The following KCNQ3 variants were observed in gnomAD, a reference collection of about 807,000 sequenced individuals.
The protein encoded by KCNQ3 is potassium voltage-gated channel subfamily KQT member 3.
KCNQ3 carries 30 observed loss-of-function variants against 92.5 expected under a neutral mutation model. That is an observed-to-expected ratio of 0.32 (90% confidence interval 0.24 to 0.44). KCNQ3 has a LOEUF of 0.44. Ranked by LOEUF, KCNQ3 falls within the 20% of genes least tolerant of loss-of-function variation. The pLI, the probability that KCNQ3 is intolerant of heterozygous loss-of-function variation, is 1.00. For missense variants in KCNQ3, 913 were observed against 1,140.3 expected, an observed-to-expected ratio of 0.80 and a Z score of 2.87; for synonymous variants, 450 against 468.8, an observed-to-expected ratio of 0.96 and a Z score of 0.52.
At chr8:132,444,876 GATT>G (rs1164543328) in intron 1 of KCNQ3, among the ~76,000 whole-genome samples, 2 of 152,176 alleles carry the variant, frequency 1.3e-5, no homozygotes, top group Non-Finnish European at 2.9e-5. Context: ...CACTTCACCT[GATT>G]ATGAGGATTC....
At chr8:132,259,742 T>TAAA (rs1311085948) in intron 1 of KCNQ3, among the ~76,000 whole-genome samples, 22 of 152,240 alleles carry the variant, frequency 1.4e-4, no homozygotes, top group African/African-American at 4.3e-4. Context: ...TGATCTTTTA[T>TAAA]ACAAATAATC....
At position 132,253,527 on chromosome 8, in the gene KCNQ3, A is replaced by G. The variant is rs115944315; in HGVS notation, c.387-67346T>C. 4.9e-3 allele frequency among the ~76,000 whole-genome samples: 744 copies of G among 152,312 alleles called. 7 individuals carry two copies. Among genetic ancestry groups the G allele is most frequent in the African/African-American group, 0.017 (721 of 41,560 alleles). On this transcript the variant is annotated intron_variant, in intron 1 of 14. Transcript: ENST00000388996. ...AATAAATGTGAGCTCGAGGATTTGC[A>G]CTTAAGGCTATGTGACTCCAGAAAT...
chr8:132,211,097 G>A (rs1813838169), intron 1 of KCNQ3, among the ~76,000 whole-genome samples: 1 of 152,176 alleles, frequency 6.6e-6, no homozygotes, highest in Non-Finnish European at 1.5e-5. Context: ...TGAGCCTACT[G>A]GGCCCTCACT....
chr8:132,322,977 CT>C (rs1339844387), intron 1 of KCNQ3, among the ~76,000 whole-genome samples: 1 of 152,154 alleles, frequency 6.6e-6, no homozygotes, highest in African/African-American at 2.4e-5. Flanking sequence ...AGTTTGGGCC[CT>C]TTGTTTCAGA....
chr8:132,440,062 G>C (rs1482376866), intron 1 of KCNQ3, among the ~76,000 whole-genome samples: 1 of 152,180 alleles, frequency 6.6e-6, no homozygotes, highest in African/African-American at 2.4e-5. Context: ...CTAGATTACT[G>C]TAATACCTGA....
intron 1 of KCNQ3, among the ~76,000 whole-genome samples, chr8:132,308,646 G>A (rs1246315254): frequency 6.6e-6 from 1 of 152,206 alleles, no homozygotes. Flanking sequence ...ATCAAGGGGA[G>A]CCATAATAAC....
intron 9 of KCNQ3, among the ~76,000 whole-genome samples, chr8:132,159,701 T>TG (rs1825924738): frequency 6.6e-6 from 1 of 152,220 alleles, no homozygotes; most frequent in Non-Finnish European, 1.5e-5. Context: ...GAGAAAATCC[T>TG]GGGGTCCCAG....
At chr8:132,180,428 T>C (rs1826722143) in intron 3 of KCNQ3, 99 bp from the exon 4 acceptor site, 3 of 1,328,060 alleles carry the variant, frequency 2.3e-6, no homozygotes, top group Non-Finnish European at 3.2e-6. Flanking sequence ...CAGATCAGCA[T>C]GTGCCAAGCA....
At chr8:132,473,990 T>C (rs1038664521) in intron 1 of KCNQ3, among the ~76,000 whole-genome samples, 7 of 152,234 alleles carry the variant, frequency 4.6e-5, no homozygotes, top group Non-Finnish European at 1.0e-4. Flanking sequence ...TGGGTATTTC[T>C]TGTGATCATT....
chr8:132,129,712 C>G lies in KCNQ3; in HGVS notation c.2169G>C (p.Gly723=), dbSNP rs780315758. 6.2e-7 allele frequency: 1 copy of G among 1,614,134 alleles called. No individual in the cohort carries two copies. The highest frequency in any genetic ancestry group is 8.5e-7 in the Non-Finnish European group (1 of 1,180,036). Residue 723 remains glycine, a synonymous_variant, in exon 15 of 15, where the codon GGG becomes GGC. Transcript: ENST00000388996. The surrounding 1 kb of genome is among the most constrained non-coding windows in gnomAD (Gnocchi z 5.9). ...FAHDPVNLPR[G]GPSSGKVQAT... Reference sequence around the variant, plus strand: ...CCTGAACCTTTCCAGAACTGGGTCCCCCTCGGGGCAGGTTCACAGGGTCAT... The same window carrying G: ...CCTGAACCTTTCCAGAACTGGGTCCGCCTCGGGGCAGGTTCACAGGGTCAT...
chr8:132,342,618 C>T (rs1031119676), intron 1 of KCNQ3, among the ~76,000 whole-genome samples: 3 of 152,242 alleles, frequency 2.0e-5, no homozygotes, highest in Non-Finnish European at 4.4e-5. Flanking sequence ...GCAGTAGTTG[C>T]TCTCTTTAGA....
At chr8:132,463,429 A>G (rs759058697) in intron 1 of KCNQ3, among the ~76,000 whole-genome samples, 3 of 152,226 alleles carry the variant, frequency 2.0e-5, no homozygotes, top group Non-Finnish European at 2.9e-5. Flanking sequence ...TACAAGATGA[A>G]AACATAATTT....
At chr8:132,307,192 C>G (rs1034011357) in intron 1 of KCNQ3, among the ~76,000 whole-genome samples, 2 of 152,192 alleles carry the variant, frequency 1.3e-5, no homozygotes, top group African/African-American at 4.8e-5. Flanking sequence ...GTAGCTTCAG[C>G]GCAGGGGAAA....
rs1029521070 is a variant in KCNQ3 at position 132,124,474 on chromosome 8, G to C, written c.*4788C>G. 1 of 152,002 alleles carries C rather than the reference G, an allele frequency of 6.6e-6. No individual in the cohort carries two copies. Among genetic ancestry groups the C allele is most frequent in the African/African-American group, 2.4e-5 (1 of 41,410 alleles). The allele number at this position is 152,002 out of a possible 1,614,324, so 9.4% of individuals were successfully genotyped here. On this transcript the variant is annotated 3_prime_UTR_variant, in exon 15 of 15. Transcript: ENST00000388996. The stretch of plus-strand genomic sequence containing the variant: ...AGAAGAGTCAAATGCTTTTGAATGT[G>C]CTGAAACTCAAATTTTCTTCCAGGT...
At chr8:132,412,318 A>G (rs1047442932) in intron 1 of KCNQ3, among the ~76,000 whole-genome samples, 3 of 151,878 alleles carry the variant, frequency 2.0e-5, no homozygotes, top group Non-Finnish European at 2.9e-5. Context: ...TATGGGGCTT[A>G]GGAACCTGCT....
chr8:132,401,383 T>TTTC (rs746939358), intron 1 of KCNQ3, among the ~76,000 whole-genome samples: 102 of 30,078 alleles, frequency 3.4e-3, no homozygotes, highest in Non-Finnish European at 0.011. Flanking sequence ...AATAGAACAC[T>TTTC]TTTTTTTTTT....
At chr8:132,275,896 C>T (rs1348698367) in intron 1 of KCNQ3, among the ~76,000 whole-genome samples, 2 of 152,182 alleles carry the variant, frequency 1.3e-5, no homozygotes, top group Non-Finnish European at 2.9e-5. Context: ...TCTACATGTG[C>T]ACTCATTCCC....
chr8:132,174,618 T>C (rs975697267), intron 5 of KCNQ3, among the ~76,000 whole-genome samples: 4 of 152,204 alleles, frequency 2.6e-5, no homozygotes, highest in African/African-American at 9.7e-5. Context: ...CATGTGTGTG[T>C]ATATTTGTGA....
intron 1 of KCNQ3, among the ~76,000 whole-genome samples, chr8:132,425,024 T>C (rs1821072679): frequency 6.6e-6 from 1 of 152,228 alleles, no homozygotes; most frequent in Non-Finnish European, 1.5e-5. Context: ...GTCAACCCAC[T>C]ATAATGAGTT....
Sources: allele counts gnomAD v4.1 joint callset (sites outside exome capture counted in the v4.1 genomes callset), GRCh38; gene constraint gnomAD v4.1.1; non-coding constraint Gnocchi (gnomAD v3.1); transcripts MANE v1.5; gene names NCBI Gene and HGNC (gene_info 2026-07-23, HGNC 2026-07-21).